The following CIBAR2 variants were observed in gnomAD, a reference collection of about 807,000 sequenced individuals.
The protein encoded by CIBAR2 is CBY1 interacting BAR domain containing 2.
Under a neutral mutation model 36.2 loss-of-function variants are expected in CIBAR2, and 38 were observed. The observed-to-expected ratio is 1.05, with a 90% CI of 0.81 to 1.38. CIBAR2 has a LOEUF of 1.38. Ranked by LOEUF, CIBAR2 falls within the 40% of genes most tolerant of loss-of-function variation. CIBAR2 has a pLI of 0.00. For synonymous variants in CIBAR2, 182 were observed against 149.5 expected (o/e 1.22, Z -1.58); for missense variants, 481 against 383.4 (o/e 1.25, Z -2.13).
At chr16:85,101,637 C>T (rs2073956014) in intron 7 of CIBAR2, among the ~76,000 whole-genome samples, 1 of 151,660 alleles carries the variant, frequency 6.6e-6, no homozygotes, top group Non-Finnish European at 1.5e-5. Context: ...CCAGGAAATG[C>T]TTTTTATTGT....
intron 6 of CIBAR2, 108 bp downstream of exon 6, chr16:85,105,219 C>T (rs9940705): frequency 0.086 from 59,476 of 687,814 alleles, 3,777 homozygotes; most frequent in African/African-American, 0.25. Context: ...TGTACACAGA[C>T]CCATACACAC....
intron 8 of CIBAR2, 99 bp from the exon 9 acceptor site, chr16:85,099,445 C>A: frequency 1.4e-6 from 1 of 737,368 alleles, no homozygotes. Flanking sequence ...CTGAGGAACC[C>A]TGGATTCTGG....
intron 5 of CIBAR2, among the ~76,000 whole-genome samples, chr16:85,106,543 A>G (rs1012635372): frequency 3.3e-5 from 5 of 151,992 alleles, no homozygotes; most frequent in African/African-American, 1.2e-4. Flanking sequence ...GTGACTACAG[A>G]GGGAAGGTGC....
rs200859937 is a variant in CIBAR2, at chr16:85,112,316, G to A, written c.20+17C>T. ...CTTCCACCTCCCTCACAGCCAGGCT[G>A]GCGCTGGCCCACTCACCTGGAGAAG... On this transcript the variant is annotated intron_variant, in intron 1 of 8. Transcript: ENST00000539556. 1.9e-6 allele frequency: 3 copies of A among 1,613,460 alleles called. No homozygotes were observed. Among genetic ancestry groups the A allele is most frequent in the Admixed American group, 3.3e-5 (2 of 60,012 alleles).
chr16:85,103,340 CTGT>C (rs1377903381), intron 6 of CIBAR2, among the ~76,000 whole-genome samples: 2 of 152,180 alleles, frequency 1.3e-5, no homozygotes, highest in Non-Finnish European at 2.9e-5. Context: ...AAATAAACTT[CTGT>C]TGTTTATAAA....
At chr16:85,101,174 T>G (rs952938590) in intron 7 of CIBAR2, among the ~76,000 whole-genome samples, 2 of 152,230 alleles carry the variant, frequency 1.3e-5, no homozygotes, top group Non-Finnish European at 2.9e-5. Context: ...ATGGCAGGCT[T>G]TGTGGGGTGT....
At chr16:85,109,628 T>C (rs1347059749) in intron 2 of CIBAR2, among the ~76,000 whole-genome samples, 11 of 152,200 alleles carry the variant, frequency 7.2e-5, no homozygotes, top group Non-Finnish European at 1.3e-4. Flanking sequence ...CAAATGATCC[T>C]CCTATCTCAG....
intron 6 of CIBAR2, among the ~76,000 whole-genome samples, chr16:85,103,921 C>T (rs1207856814): frequency 6.6e-6 from 1 of 152,192 alleles, no homozygotes; most frequent in Non-Finnish European, 1.5e-5. Flanking sequence ...CCACATGATC[C>T]GTCCATCTCC....
chr16:85,107,961 G>A lies in CIBAR2; in HGVS notation c.325-14C>T, dbSNP rs1345682450. ...CTTGATCTCAGCCTGCAGAAAAGGA[G>A]GAGGGTTGTTTCCTGGGATCCCACA... On this transcript the variant is annotated splice_polypyrimidine_tract_variant and intron_variant, in intron 3 of 8. Transcript: ENST00000539556. 2 of 1,613,640 alleles carry A rather than the reference G, an allele frequency of 1.2e-6. No individual in the cohort carries two copies.
chr16:85,110,704 C>CTTTT (rs746973381), intron 1 of CIBAR2, among the ~76,000 whole-genome samples: 1 of 93,898 alleles, frequency 1.1e-5, no homozygotes, highest in Non-Finnish European at 2.1e-5. Context: ...CAGACCTGGC[C>CTTTT]TTTTTTTTTT....
chr16:85,099,123 C>G lies in CIBAR2; in HGVS notation c.*62G>C. Reference sequence around the variant, plus strand: ...AGAAAAAAGAATCAGAAAATAAGAACAAAGCCTCCAGGCAGTCTGGGATTA... The same window carrying G: ...AGAAAAAAGAATCAGAAAATAAGAAGAAAGCCTCCAGGCAGTCTGGGATTA... On this transcript the variant is annotated 3_prime_UTR_variant, in exon 9 of 9. Transcript: ENST00000539556. 1 of 1,442,314 alleles carries G rather than the reference C, an allele frequency of 6.9e-7. No individual in the cohort carries two copies. The highest frequency in any genetic ancestry group is 9.1e-7 in the Non-Finnish European group (1 of 1,094,160). 89.3% of individuals were successfully genotyped at this position (1,442,314 alleles called of 1,614,324 possible). A position where few individuals can be genotyped will look rare whatever the true frequency, so the allele number is the denominator to read the frequency against.
At position 85,112,233 on chromosome 16, in the gene CIBAR2, C is replaced by T. The variant is rs927324947; in HGVS notation, c.20+100G>A. Reference sequence around the variant, plus strand: ...GCTCCCCTCACCCCCAACCCCCACCCCAAGCAGCAGGCCCTGCTGCCCTCA... The same window carrying T: ...GCTCCCCTCACCCCCAACCCCCACCTCAAGCAGCAGGCCCTGCTGCCCTCA... On this transcript the variant is annotated intron_variant, in intron 1 of 8. Coordinates refer to ENST00000539556, the MANE Select transcript of CIBAR2 (RefSeq NM_198491.3). 8 of 1,101,666 alleles carry T rather than the reference C, an allele frequency of 7.3e-6. No homozygotes were observed. In the East Asian group the frequency reaches 1.7e-4, roughly 23 times the overall value. 68.2% of individuals were successfully genotyped at this position (1,101,666 alleles called of 1,614,324 possible).
intron 5 of CIBAR2, among the ~76,000 whole-genome samples, chr16:85,107,107 C>G (rs2074001935): frequency 6.6e-6 from 1 of 152,064 alleles, no homozygotes; most frequent in Non-Finnish European, 1.5e-5. Context: ...GACTCTGCCA[C>G]TTGCCCTCCA....
At chr16:85,100,933 G>A in intron 7 of CIBAR2, among the ~76,000 whole-genome samples, 1 of 152,164 alleles carries the variant, frequency 6.6e-6, no homozygotes, top group East Asian at 1.9e-4. Flanking sequence ...TGTAGTCCCA[G>A]CTACTCGGGA....
intron 7 of CIBAR2, among the ~76,000 whole-genome samples, chr16:85,101,100 C>T (rs1265134458): frequency 6.6e-6 from 1 of 151,562 alleles, no homozygotes; most frequent in Admixed American, 6.6e-5. Context: ...TGTGAGGAAG[C>T]CCAGGCCCCA....
chr16:85,107,647 G>A lies in CIBAR2; in HGVS notation c.432+20C>T, dbSNP rs1231260726. 4 of 1,613,438 alleles carry A rather than the reference G, an allele frequency of 2.5e-6. No individual in the cohort carries two copies. Among genetic ancestry groups the A allele is most frequent in the Admixed American group, 1.7e-5 (1 of 59,994 alleles). ...CCTACGTGTGATTCTGCCTGCCCCAGACAGACATGTGACACTCACCTGGGA... is the reference window on the plus strand; with the variant it reads ...CCTACGTGTGATTCTGCCTGCCCCAAACAGACATGTGACACTCACCTGGGA... On this transcript the variant is annotated intron_variant, in intron 5 of 8. Coordinates refer to ENST00000539556, the MANE Select transcript of CIBAR2 (RefSeq NM_198491.3).
intron 1 of CIBAR2, among the ~76,000 whole-genome samples, chr16:85,111,379 A>G (rs763012799): frequency 6.6e-6 from 1 of 152,188 alleles, no homozygotes; most frequent in African/African-American, 2.4e-5. Context: ...GAGGTGAAGC[A>G]TCTTGCTACC....
chr16:85,112,132 G>T (rs1018614093), intron 1 of CIBAR2, among the ~76,000 whole-genome samples: 11 of 152,200 alleles, frequency 7.2e-5, no homozygotes, highest in Non-Finnish European at 1.5e-5. Context: ...ACGGAGGCCA[G>T]ATTCTGGAAG....
At position 85,100,253 on chromosome 16, in the gene CIBAR2, G is replaced by C; in HGVS notation, c.652-13C>G. On this transcript the variant is annotated splice_polypyrimidine_tract_variant and intron_variant, in intron 7 of 8. Coordinates refer to ENST00000539556, the MANE Select transcript of CIBAR2 (RefSeq NM_198491.3). ...TGGCTCTAAAATCCTGCCGGGGAGA[G>C]ACCAGGGTGGGTGGGATCCGATGGG... 1 of 1,555,956 alleles carries C rather than the reference G, an allele frequency of 6.4e-7. No homozygotes were observed. The highest frequency in any genetic ancestry group is 8.8e-7 in the Non-Finnish European group (1 of 1,133,514).
Sources: gnomAD v4.1 joint callset for allele counts (sites outside exome capture counted in the v4.1 genomes callset) on GRCh38, gnomAD v4.1.1 for gene constraint, MANE v1.5 for transcripts, NCBI Gene and HGNC (gene_info 2026-07-23, HGNC 2026-07-21) for gene names.